GABPB1: variants seen among roughly 807,000 people sequenced by gnomAD.
GABPB1 encodes GA binding protein transcription factor subunit beta 1, also known as GA-binding protein subunit beta-1.
A neutral mutation model predicts 45.9 loss-of-function variants in GABPB1; 15 were observed. That is an observed-to-expected ratio of 0.33 (90% CI 0.22 to 0.50). The LOEUF (loss-of-function observed/expected upper bound fraction) is 0.50, where lower values mean the gene tolerates loss of function less well. GABPB1 is among the 20% of genes least tolerant of loss of function. GABPB1 has a pLI of 0.98. For synonymous variants in GABPB1, 143 were observed against 154.4 expected, an observed-to-expected ratio of 0.93 and a Z score of 0.55; for missense variants, 252 against 457.5, an observed-to-expected ratio of 0.55 and a Z score of 4.10.
chr15:50,326,305 G>GGA (rs2047761073), intron 1 of GABPB1, among the ~76,000 whole-genome samples: 1 of 152,284 alleles, frequency 6.6e-6, no homozygotes, highest in East Asian at 1.9e-4. Flanking sequence ...TTCAAGCCCA[G>GGA]GAGTTTGAGA....
chr15:50,336,053 T>C (rs1339155208), intron 1 of GABPB1, among the ~76,000 whole-genome samples: 1 of 151,338 alleles, frequency 6.6e-6, no homozygotes, highest in Non-Finnish European at 1.5e-5. Flanking sequence ...TTTAATATAT[T>C]AGAAAATGAT....
At chr15:50,283,926 T>C in intron 8 of GABPB1, among the ~76,000 whole-genome samples, 1 of 152,244 alleles carries the variant, frequency 6.6e-6, no homozygotes, top group Non-Finnish European at 1.5e-5. Context: ...TCTTTAAGTT[T>C]CTCAATCTCA....
At chr15:50,331,866 T>G (rs1388802432) in intron 1 of GABPB1, among the ~76,000 whole-genome samples, 1 of 140,960 alleles carries the variant, frequency 7.1e-6, no homozygotes, top group South Asian at 2.2e-4. Flanking sequence ...CAGTTTTTTT[T>G]TTTGTTTTTT....
intron 6 of GABPB1, among the ~76,000 whole-genome samples, chr15:50,297,284 C>G (rs2046555221): frequency 6.6e-6 from 1 of 151,304 alleles, no homozygotes; most frequent in Admixed American, 6.6e-5. Flanking sequence ...ACAATCTCGG[C>G]TCACTGCAAC....
At chr15:50,309,503 T>C (rs528610829) in intron 2 of GABPB1, among the ~76,000 whole-genome samples, 188 bp downstream of exon 2, 1 of 152,358 alleles carries the variant, frequency 6.6e-6, no homozygotes, top group African/African-American at 2.4e-5. Context: ...TTGGATAAGG[T>C]TGTCCAATAT....
intron 1 of GABPB1, among the ~76,000 whole-genome samples, chr15:50,330,613 C>T (rs1014236715): frequency 3.3e-5 from 5 of 152,080 alleles, no homozygotes; most frequent in African/African-American, 1.2e-4. Context: ...GACCCAATGT[C>T]TCCCCTCATG....
At chr15:50,333,700 C>A (rs192272245) in intron 1 of GABPB1, among the ~76,000 whole-genome samples, 11 of 152,228 alleles carry the variant, frequency 7.2e-5, no homozygotes, top group African/African-American at 2.6e-4. Context: ...ATATAGTAGA[C>A]ATTTCACTGT....
chr15:50,316,431 G>C (rs2047331203), intron 1 of GABPB1, among the ~76,000 whole-genome samples: 1 of 152,064 alleles, frequency 6.6e-6, no homozygotes, highest in East Asian at 1.9e-4. Context: ...TCTTAAATAA[G>C]AATATGAATT....
chr15:50,289,600 C>T lies in GABPB1; in HGVS notation c.766G>A (p.Gly256Arg). ...ACTATTGTGATGACTTGCTGACCCCCTGAACTAACTACTTGCTGAATGGCA... is the reference window on the plus strand; with the variant it reads ...ACTATTGTGATGACTTGCTGACCCCTTGAACTAACTACTTGCTGAATGGCA... The part of the protein sequence containing the change: ...DGAIQQVVSS[G>R]GQQVITIVTD... Residue 256 changes from glycine to arginine, a missense_variant, in exon 7 of 9, where the codon GGG becomes AGG. Physicochemically the swap from Gly to Arg is moderately radical, Grantham distance 125. This residue lies in a region of GABPB1 where 193 missense variants were observed against 259.9 expected (regional missense o/e 0.74). Transcript: ENST00000380877. 1 of 1,613,640 alleles carries T rather than the reference C, an allele frequency of 6.2e-7. No homozygotes were observed. Among genetic ancestry groups the T allele is most frequent in the Non-Finnish European group, 8.5e-7 (1 of 1,179,850 alleles).
chr15:50,352,166 A>T (rs899641734), intron 1 of GABPB1: 1 of 152,080 alleles, frequency 6.6e-6, no homozygotes, highest in Non-Finnish European at 1.5e-5. Context: ...AACTTCATGT[A>T]ATTTCTGAAT....
intron 1 of GABPB1, among the ~76,000 whole-genome samples, chr15:50,323,654 G>A (rs1445891658): frequency 6.6e-6 from 1 of 152,174 alleles, no homozygotes; most frequent in East Asian, 1.9e-4. Flanking sequence ...GAGCCCAGAA[G>A]CTCAAGACCA....
chr15:50,330,169 G>T (rs1201787169), intron 1 of GABPB1, among the ~76,000 whole-genome samples: 2 of 152,062 alleles, frequency 1.3e-5, no homozygotes, highest in Non-Finnish European at 2.9e-5. Context: ...CTCCCAAAGT[G>T]CAGGGATTAC....
intron 6 of GABPB1, among the ~76,000 whole-genome samples, chr15:50,290,386 T>C (rs904522043): frequency 3.3e-5 from 5 of 151,894 alleles, no homozygotes; most frequent in African/African-American, 1.2e-4. Context: ...AGGTCAGGAG[T>C]TCGGGACTAG....
intron 6 of GABPB1, among the ~76,000 whole-genome samples, chr15:50,300,438 T>G (rs1262373864): frequency 3.7e-5 from 4 of 108,230 alleles, no homozygotes; most frequent in South Asian, 3.2e-4. Context: ...TGTTTTTGGT[T>G]TTTTTTTTTT....
At chr15:50,345,191 G>C (rs2048519172) in intron 1 of GABPB1, among the ~76,000 whole-genome samples, 1 of 152,158 alleles carries the variant, frequency 6.6e-6, no homozygotes, top group Non-Finnish European at 1.5e-5. Context: ...AAACGGCAAG[G>C]AGAGAACATT....
chr15:50,325,681 A>G (rs1186366745), intron 1 of GABPB1, among the ~76,000 whole-genome samples: 2 of 151,774 alleles, frequency 1.3e-5, no homozygotes, highest in Non-Finnish European at 2.9e-5. Context: ...ACAGGTGCAC[A>G]CCAGCACGCC....
chr15:50,286,015 T>G (rs1248452065), intron 8 of GABPB1, 53 bp downstream of exon 8: 2 of 1,584,168 alleles, frequency 1.3e-6, no homozygotes, highest in African/African-American at 2.7e-5. Flanking sequence ...CAAAAAAAAT[T>G]GAATTTATTT....
At chr15:50,309,574 A>T (rs1044001741) in intron 2 of GABPB1, 117 bp downstream of exon 2, 12 of 644,138 alleles carry the variant, frequency 1.9e-5, no homozygotes, top group African/African-American at 1.5e-4. Flanking sequence ...TAATAAACAC[A>T]TTTGCAAAAA....
At chr15:50,308,373 C>A (rs982051816) in intron 2 of GABPB1, among the ~76,000 whole-genome samples, 1 of 152,152 alleles carries the variant, frequency 6.6e-6, no homozygotes, top group Non-Finnish European at 1.5e-5. Context: ...AAAAAGGATG[C>A]CTTGTGATTC....
Sources: gnomAD v4.1 joint callset for allele counts (sites outside exome capture counted in the v4.1 genomes callset) on GRCh38, gnomAD v4.1.1 for gene constraint, gnomAD v4.1.1 regional missense constraint, MANE v1.5 for transcripts, NCBI Gene and HGNC (gene_info 2026-07-23, HGNC 2026-07-21) for gene names.